GABRA2: variants seen among roughly 807,000 people sequenced by gnomAD.
GABRA2 encodes the protein gamma-aminobutyric acid receptor subunit alpha-2.
Under a neutral mutation model 48.7 loss-of-function variants are expected in GABRA2, and 16 were observed. That is an observed-to-expected ratio of 0.33 (90% CI 0.22 to 0.50). The LOEUF is 0.50. GABRA2 is among the 20% of genes least tolerant of loss of function. GABRA2 has a pLI of 0.98. For synonymous variants in GABRA2, 185 were observed against 184.5 expected, an observed-to-expected ratio of 1.00 and a Z score of -0.02; for missense variants, 275 against 535.6, an observed-to-expected ratio of 0.51 and a Z score of 4.80.
rs140084875 is a variant in GABRA2, at chr4:46,262,846, G to A, written c.857-718C>T. Among the ~76,000 whole-genome samples, 723 of 151,700 alleles carry A rather than the reference G, an allele frequency of 4.8e-3. 7 individuals carry two copies. The highest frequency in any genetic ancestry group is 0.016 in the African/African-American group (657 of 41,354). Reference sequence around the variant, plus strand: ...CAGGAGACAGAGGTTGCAGTGAACCGAGATCACGATGCTACACTCCAGCCT... The same window carrying A: ...CAGGAGACAGAGGTTGCAGTGAACCAAGATCACGATGCTACACTCCAGCCT... On this transcript the variant is annotated intron_variant, in intron 8 of 9. Transcript: ENST00000381620.
chr4:46,375,135 C>G (rs534977718), intron 3 of GABRA2, among the ~76,000 whole-genome samples: 118 of 152,144 alleles, frequency 7.8e-4, no homozygotes, highest in African/African-American at 2.8e-3. Flanking sequence ...ATGCTAATTA[C>G]TTAAACTGCA....
At chr4:46,362,893 A>G (rs1244181302) in intron 3 of GABRA2, among the ~76,000 whole-genome samples, 1 of 152,218 alleles carries the variant, frequency 6.6e-6, no homozygotes, top group African/African-American at 2.4e-5. Flanking sequence ...CAAGTGCCAT[A>G]GAGATAAAAC....
At chr4:46,328,635 T>C (rs2109791458) in intron 4 of GABRA2, among the ~76,000 whole-genome samples, 1 of 152,204 alleles carries the variant, frequency 6.6e-6, no homozygotes, top group African/African-American at 2.4e-5. Context: ...ACATTCTTTT[T>C]TTTATATATA....
At chr4:46,388,969 A>G in intron 1 of GABRA2, 1 of 1,266,236 alleles carries the variant, frequency 7.9e-7, no homozygotes, top group Non-Finnish European at 1.0e-6. Context: ...CAAGATGACC[A>G]AGTAATCAGA....
chr4:46,303,239 G>A, intron 8 of GABRA2: 2 of 506,902 alleles, frequency 3.9e-6, no homozygotes, highest in Non-Finnish European at 7.0e-6. Context: ...AAGACTAAGT[G>A]TGTTTTAAGA....
At chr4:46,368,897 C>T (rs886082973) in intron 3 of GABRA2, 22 of 640,418 alleles carry the variant, frequency 3.4e-5, no homozygotes, top group Non-Finnish European at 6.0e-5. Flanking sequence ...CTCCATTATG[C>T]TCCACTCATT....
At chr4:46,267,831 T>G (rs1201042733) in intron 8 of GABRA2, among the ~76,000 whole-genome samples, 1 of 152,040 alleles carries the variant, frequency 6.6e-6, no homozygotes, top group Non-Finnish European at 1.5e-5. Flanking sequence ...GTCTCAGATT[T>G]AATATTCTCC....
At chr4:46,299,986 T>C (rs930253075) in intron 8 of GABRA2, among the ~76,000 whole-genome samples, 2 of 152,114 alleles carry the variant, frequency 1.3e-5, no homozygotes, top group African/African-American at 2.4e-5. Context: ...GCAACATGAA[T>C]AGCATGTGGC....
intron 8 of GABRA2, among the ~76,000 whole-genome samples, chr4:46,292,927 C>T (rs992811807): frequency 3.9e-5 from 6 of 152,128 alleles, no homozygotes; most frequent in Non-Finnish European, 7.4e-5. Context: ...ATTGCAGTCA[C>T]TCAACTACAA....
chr4:46,301,367 G>A (rs1725704941), intron 8 of GABRA2, among the ~76,000 whole-genome samples: 1 of 152,078 alleles, frequency 6.6e-6, no homozygotes, highest in Admixed American at 6.6e-5. Flanking sequence ...TAAATGCTAG[G>A]CATTGTTCTG....
At chr4:46,277,601 C>G (rs759325459) in intron 8 of GABRA2, among the ~76,000 whole-genome samples, 2 of 152,178 alleles carry the variant, frequency 1.3e-5, no homozygotes, top group Admixed American at 6.6e-5. Context: ...TGGAGCTGTA[C>G]TCATGTGACT....
At chr4:46,389,043 A>G (rs1717874857) in intron 1 of GABRA2, 1 of 1,086,532 alleles carries the variant, frequency 9.2e-7, no homozygotes, top group Admixed American at 4.9e-5. Flanking sequence ...CGCACACGTA[A>G]TAATAACACC....
At chr4:46,376,447 G>C (rs1280319197) in intron 3 of GABRA2, among the ~76,000 whole-genome samples, 1 of 152,206 alleles carries the variant, frequency 6.6e-6, no homozygotes, top group Non-Finnish European at 1.5e-5. Context: ...AGTGAGGCAT[G>C]CTTGTGCCTG....
At chr4:46,331,177 G>GTT (rs1327248289) in intron 4 of GABRA2, among the ~76,000 whole-genome samples, 1 of 152,164 alleles carries the variant, frequency 6.6e-6, no homozygotes, top group African/African-American at 2.4e-5. Context: ...AAGACCCAGA[G>GTT]TTGAAGGAGA....
intron 3 of GABRA2, among the ~76,000 whole-genome samples, chr4:46,343,218 A>G (rs949301488): frequency 6.6e-6 from 1 of 151,984 alleles, no homozygotes; most frequent in Non-Finnish European, 1.5e-5. Context: ...AGTTTCTTAC[A>G]TATTGCATAC....
intron 8 of GABRA2, among the ~76,000 whole-genome samples, chr4:46,292,318 G>C (rs1723821507): frequency 6.6e-6 from 1 of 152,168 alleles, no homozygotes; most frequent in Admixed American, 6.6e-5. Context: ...GAGCTGAAAT[G>C]GTGAAAAATC....
intron 3 of GABRA2, among the ~76,000 whole-genome samples, chr4:46,344,588 A>G (rs930912463): frequency 2.0e-5 from 3 of 151,948 alleles, no homozygotes; most frequent in Non-Finnish European, 4.4e-5. Flanking sequence ...GATGGGAAAG[A>G]CTGAGGTTGA....
At chr4:46,379,480 C>T (rs896981107) in intron 3 of GABRA2, among the ~76,000 whole-genome samples, 6 of 152,168 alleles carry the variant, frequency 3.9e-5, no homozygotes, top group Non-Finnish European at 7.4e-5. Context: ...TACATACGTG[C>T]GAAATCATCC....
intron 3 of GABRA2, among the ~76,000 whole-genome samples, chr4:46,369,463 T>C (rs1714551576): frequency 6.6e-6 from 1 of 152,110 alleles, no homozygotes; most frequent in Non-Finnish European, 1.5e-5. Context: ...GTAAAGAGAA[T>C]TTGAAAAATT....
Sources: gnomAD v4.1 joint callset for allele counts (sites outside exome capture counted in the v4.1 genomes callset) on GRCh38, gnomAD v4.1.1 for gene constraint, MANE v1.5 for transcripts, NCBI Gene and HGNC (gene_info 2026-07-23, HGNC 2026-07-21) for gene names.